POGZ: variants seen among roughly 807,000 people sequenced by gnomAD.
POGZ encodes pogo transposable element derived with ZNF domain.
POGZ carries 17 observed loss-of-function variants against 134.6 expected under a neutral mutation model. That is an observed-to-expected ratio of 0.13 (90% CI 0.09 to 0.19). POGZ has a LOEUF of 0.19. Ranked by LOEUF, POGZ falls within the 10% of genes least tolerant of loss-of-function variation. The probability of loss-of-function intolerance (pLI) is 1.00; values close to 1 mark genes in which losing one functional copy is unlikely to be tolerated. For missense variants in POGZ, 1,306 were observed against 1,769.7 expected (o/e 0.74, Z 4.70); for synonymous variants, 693 against 657.1 (o/e 1.05, Z -0.84).
intron 1 of POGZ, among the ~76,000 whole-genome samples, chr1:151,450,671 T>G (rs891896907): frequency 1.4e-4 from 21 of 152,126 alleles, no homozygotes. Context: ...TTCTAAATTT[T>G]TTCTTGTTGT....
At chr1:151,411,402 A>G (rs1281142842) in intron 12 of POGZ, among the ~76,000 whole-genome samples, 1 of 152,112 alleles carries the variant, frequency 6.6e-6, no homozygotes, top group Non-Finnish European at 1.5e-5. Context: ...TTTCCCCAAC[A>G]CAGTACTCTT....
At chr1:151,446,042 T>C (rs1157159289) in intron 1 of POGZ, among the ~76,000 whole-genome samples, 1 of 135,964 alleles carries the variant, frequency 7.4e-6, no homozygotes, top group Non-Finnish European at 1.6e-5. Context: ...ATACCGTCTT[T>C]CAACTTTTTT....
At chr1:151,412,177 C>A in intron 11 of POGZ, 119 bp downstream of exon 11, 1 of 603,620 alleles carries the variant, frequency 1.7e-6, no homozygotes, top group Non-Finnish European at 3.0e-6. Context: ...TCTTCTGTAC[C>A]TACTCAGAGT....
At chr1:151,447,060 A>G (rs1323285623) in intron 1 of POGZ, among the ~76,000 whole-genome samples, 1 of 152,142 alleles carries the variant, frequency 6.6e-6, no homozygotes, top group African/African-American at 2.4e-5. Flanking sequence ...ATGTAGGTCT[A>G]AAAGATAAGG....
chr1:151,410,407 G>C (rs560913273), intron 12 of POGZ, among the ~76,000 whole-genome samples: 84 of 152,040 alleles, frequency 5.5e-4, no homozygotes, highest in Non-Finnish European at 1.1e-3. Flanking sequence ...CTGTTTCTAA[G>C]TCTCTATGTT....
chr1:151,457,153 C>G (rs1433298592), intron 1 of POGZ, among the ~76,000 whole-genome samples: 1 of 152,148 alleles, frequency 6.6e-6, no homozygotes, highest in Non-Finnish European at 1.5e-5. Flanking sequence ...ACCACTAGTT[C>G]AAGATGGGAG....
At chr1:151,429,830 G>T in intron 4 of POGZ, 119 bp from the exon 5 acceptor site, 1 of 493,664 alleles carries the variant, frequency 2.0e-6, no homozygotes, top group East Asian at 3.3e-5. Context: ...TCTTTCTCTA[G>T]AATTAGAGGT....
At chr1:151,425,681 T>C (rs1347706657) in intron 7 of POGZ, among the ~76,000 whole-genome samples, 1 of 152,208 alleles carries the variant, frequency 6.6e-6, no homozygotes, top group Non-Finnish European at 1.5e-5. Flanking sequence ...GCACATGTTG[T>C]AGCAGAATTT....
chr1:151,426,584 T>C (rs1436074525), intron 7 of POGZ: 1 of 152,212 alleles, frequency 6.6e-6, no homozygotes, highest in Non-Finnish European at 1.5e-5. Context: ...CCTTATTAGA[T>C]ACATAATTTG....
chr1:151,421,464 G>A (rs1656899946), intron 10 of POGZ, among the ~76,000 whole-genome samples: 1 of 152,158 alleles, frequency 6.6e-6, no homozygotes, highest in East Asian at 1.9e-4. Context: ...TAGTGTTACT[G>A]TAAGCCATTA....
chr1:151,428,768 A>C (rs181909744), intron 5 of POGZ, among the ~76,000 whole-genome samples: 115 of 152,350 alleles, frequency 7.5e-4, no homozygotes, highest in Non-Finnish European at 1.1e-3. Flanking sequence ...CTGGTCCTGA[A>C]AAAAGAAATC....
At position 151,427,968 on chromosome 1, in the gene POGZ, G is replaced by A. The variant is rs778497791; in HGVS notation, c.933C>T (p.Gly311=). 7 of 1,614,038 alleles carry A rather than the reference G, an allele frequency of 4.3e-6. No homozygotes were observed. The highest frequency in any genetic ancestry group is 1.6e-4 in the Middle Eastern group (1 of 6,082). The change falls in exon 7 of 19, where the codon GGC becomes GGT. Residue 311 remains glycine (G), a synonymous_variant. Transcript: ENST00000271715. Reference sequence around the variant, plus strand: ...ATTTGGCCACTTCATTGCTATTTTCGCCTGTAACACCAGGTCGCTTCACAG... The same window carrying A: ...ATTTGGCCACTTCATTGCTATTTTCACCTGTAACACCAGGTCGCTTCACAG... ...FVTVKRPGVT[G]ENSNEVAKLV...
intron 1 of POGZ, 33 bp downstream of exon 1, chr1:151,459,119 G>T (rs557328112): frequency 4.6e-5 from 7 of 151,456 alleles, no homozygotes; most frequent in Admixed American, 1.3e-4. Context: ...GGAGCAGGGG[G>T]TGGGGAGAGA....
chr1:151,403,337 A>G lies in POGZ; in HGVS notation c.*1465T>C, dbSNP rs1571312517. On this transcript the variant is annotated 3_prime_UTR_variant, in exon 19 of 19. Coordinates refer to ENST00000271715, the MANE Select transcript of POGZ (RefSeq NM_015100.4). Reference sequence around the variant, plus strand: ...AAGCCTATTAAACAGGGTCACCTAGAAAAAAAACAAGTTTATAAATCCATT... The same window carrying G: ...AAGCCTATTAAACAGGGTCACCTAGGAAAAAAACAAGTTTATAAATCCATT... 1.0e-6 allele frequency: 1 copy of G among 985,202 alleles called. No homozygotes were observed. Among genetic ancestry groups the G allele is most frequent in the Non-Finnish European group, 1.2e-6 (1 of 829,572 alleles). 61.0% of individuals were successfully genotyped at this position (985,202 alleles called of 1,614,324 possible).
At position 151,428,019 on chromosome 1, in the gene POGZ, A is replaced by G. The variant is rs1333472259; in HGVS notation, c.882T>C (p.Pro294=). ...TGACAAAGCTGGCAATGCTCACTGC[A>G]GGTGGAGAGGGGAAGGAGGGAGCTA... The part of the protein sequence containing the change: ...PKLAPSFPSP[P]AVSIASFVTV... The change falls in exon 7 of 19, where the codon CCT becomes CCC. Residue 294 remains proline (P), a synonymous_variant. Coordinates refer to ENST00000271715, the MANE Select transcript of POGZ (RefSeq NM_015100.4). 6.2e-7 allele frequency: 1 copy of G among 1,614,224 alleles called. No homozygotes were observed. The highest frequency in any genetic ancestry group is 1.7e-5 in the Admixed American group (1 of 60,030).
In POGZ at chr1:151,403,712, C is replaced by T; in HGVS notation, c.*1090G>A. ...AGTATTAAGAGAAATAGGGGAAAGC[C>T]ACAGAGCACGCTGGATTTCAACAAG... On this transcript the variant is annotated 3_prime_UTR_variant, in exon 19 of 19. Coordinates refer to ENST00000271715, the MANE Select transcript of POGZ (RefSeq NM_015100.4). 3 of 985,856 alleles carry T rather than the reference C, an allele frequency of 3.0e-6. No individual in the cohort carries two copies. The highest frequency in any genetic ancestry group is 3.6e-6 in the Non-Finnish European group (3 of 829,938). 61.1% of individuals were successfully genotyped at this position (985,856 alleles called of 1,614,324 possible). A position where few individuals can be genotyped will look rare whatever the true frequency, so the allele number is the denominator to read the frequency against.
intron 2 of POGZ, 63 bp from the exon 3 acceptor site, chr1:151,441,149 T>C (rs1660467853): frequency 1.5e-6 from 2 of 1,342,514 alleles, no homozygotes; most frequent in Non-Finnish European, 2.1e-6. Context: ...AGGATACTGC[T>C]CTAATCTTCC....
At position 151,406,861 on chromosome 1, in the gene POGZ, G is replaced by A. The variant is rs559037025; in HGVS notation, c.2545+50C>T. ...CTCCTGATGCATACAGTACGAACCT[G>A]TATCTTTTTTCCTCCCCTTGCTCAA... is the stretch of plus-strand genomic sequence containing the variant. On this transcript the variant is annotated intron_variant, in intron 17 of 18. Coordinates refer to ENST00000271715, the MANE Select transcript of POGZ (RefSeq NM_015100.4). The A allele has an allele frequency of 9.3e-6, 13 of 1,397,648 alleles. No homozygotes were observed. In the Admixed American group the frequency reaches 1.5e-4, roughly 16 times the overall value. 86.6% of individuals were successfully genotyped at this position (1,397,648 alleles called of 1,614,324 possible).
intron 10 of POGZ, among the ~76,000 whole-genome samples, chr1:151,417,688 C>CCA (rs59753677): frequency 0.051 from 7,071 of 137,454 alleles, 192 homozygotes; most frequent in East Asian, 0.057. Flanking sequence ...GGTACTGTGG[C>CCA]CACACACACA....
Sources: allele counts gnomAD v4.1 joint callset (sites outside exome capture counted in the v4.1 genomes callset), GRCh38; gene constraint gnomAD v4.1.1; transcripts MANE v1.5; gene names NCBI Gene and HGNC (gene_info 2026-07-23, HGNC 2026-07-21).